Variants in SPON1 observed in about 807,000 individuals in gnomAD.
SPON1 encodes spondin-1.
In SPON1, 52 loss-of-function variants were observed where a neutral mutation model predicts 111.7. The observed-to-expected ratio is 0.47, with a 90% CI of 0.37 to 0.59. The LOEUF (loss-of-function observed/expected upper bound fraction) is 0.59. Ranked by LOEUF, SPON1 falls within the 20% of genes least tolerant of loss-of-function variation. SPON1 has a pLI of 0.00. For synonymous variants in SPON1, 410 were observed against 395.8 expected (o/e 1.04, Z -0.43); for missense variants, 957 against 1,068.5 (o/e 0.90, Z 1.46).
Position 14,032,187 on chromosome 11 carries a change from A to T in SPON1, c.346-9334A>T, listed in dbSNP as rs11023057. Among the ~76,000 whole-genome samples the T allele has an allele frequency of 0.012, 1,757 of 152,320 alleles. 74 individuals carry two copies. The East Asian group carries it at 0.15, about 13-fold the overall frequency. On this transcript the variant is annotated intron_variant, in intron 2 of 15. Transcript: ENST00000576479. ...TGACGAGTTATAACATGGGAAGCAT[A>T]CTTTAATCCTGTCTTTTAGAATTAC...
At chr11:14,041,750 G>T in intron 3 of SPON1, 96 bp downstream of exon 3, 4 of 1,420,904 alleles carry the variant, frequency 2.8e-6, no homozygotes, top group Non-Finnish European at 3.8e-6. Context: ...GCATCAGAAA[G>T]TTGCATCATC....
chr11:14,051,029 T>C (rs782222449), intron 3 of SPON1, among the ~76,000 whole-genome samples: 4 of 152,190 alleles, frequency 2.6e-5, no homozygotes, highest in Non-Finnish European at 5.9e-5. Context: ...ACAGAGTTGG[T>C]CACTGCAACA....
chr11:14,157,546 C>G lies in SPON1; in HGVS notation c.825+21978C>G, dbSNP rs1012744467. ...TATTTATTGTTTTTGAGATTTCTAG[C>G]ACTTCATGCATCCATGTCTTGGTAT... On this transcript the variant is annotated intron_variant, in intron 6 of 15. Transcript: ENST00000576479. Among the ~76,000 whole-genome samples the G allele has an allele frequency of 2.6e-5, 4 of 152,242 alleles. No individual in the cohort carries two copies. The South Asian group carries it at 8.3e-4, about 32-fold the overall frequency.
At position 14,212,119 on chromosome 11, in the gene SPON1, A is replaced by ATT. The variant is rs11395049; in HGVS notation, c.826-31202_826-31201dup. Among the ~76,000 whole-genome samples, 796 of 147,214 alleles carry ATT rather than the reference A, an allele frequency of 5.4e-3. 6 individuals are homozygous for ATT. The highest frequency in any genetic ancestry group is 0.018 in the African/African-American group (717 of 40,238). Reference sequence around the variant, plus strand: ...TTAATATAATGTTAGTCTTTTATTGATTTTTTTTTTTTGCATTTCTTTAGT... The same window carrying ATT: ...TTAATATAATGTTAGTCTTTTATTGATTTTTTTTTTTTTTGCATTTCTTTAGT... On this transcript the variant is annotated intron_variant, in intron 6 of 15. Coordinates refer to ENST00000576479, the MANE Select transcript of SPON1 (RefSeq NM_006108.4).
At chr11:14,226,093 C>CT (rs1373560227) in intron 6 of SPON1, among the ~76,000 whole-genome samples, 3 of 152,160 alleles carry the variant, frequency 2.0e-5, no homozygotes, top group Non-Finnish European at 2.9e-5. Flanking sequence ...CTTTACAACT[C>CT]TAAGTGTTTG....
intron 6 of SPON1, among the ~76,000 whole-genome samples, chr11:14,172,387 T>C (rs1451410864): frequency 3.3e-5 from 5 of 151,904 alleles, no homozygotes; most frequent in African/African-American, 1.2e-4. Context: ...TATGTGTGTC[T>C]CTGCATGTGA....
At chr11:14,119,936 A>G (rs1849293023) in intron 5 of SPON1, among the ~76,000 whole-genome samples, 1 of 152,192 alleles carries the variant, frequency 6.6e-6, no homozygotes. Context: ...TTATCTCCTC[A>G]GTCACACTGG....
Position 14,243,413 on chromosome 11 carries a change from C to T in SPON1, c.890+17C>T, listed in dbSNP as rs1471854071. On this transcript the variant is annotated intron_variant, in intron 7 of 15. Transcript: ENST00000576479. ...TCTCAACGTGTAAGTAACACAAGTCCCTTGCCTGGCCTGTCTTATCCTAGC... is the reference window on the plus strand; with the variant it reads ...TCTCAACGTGTAAGTAACACAAGTCTCTTGCCTGGCCTGTCTTATCCTAGC... The T allele has an allele frequency of 3.8e-6, 6 of 1,558,982 alleles. No homozygotes were observed. Among genetic ancestry groups the T allele is most frequent in the Non-Finnish European group, 5.2e-6 (6 of 1,150,662 alleles).
intron 5 of SPON1, among the ~76,000 whole-genome samples, chr11:14,104,860 G>C (rs1554924747): frequency 6.6e-6 from 1 of 151,874 alleles, no homozygotes; most frequent in South Asian, 2.1e-4. Context: ...CTTTACATTT[G>C]GATAAAAACT....
chr11:14,091,844 C>T (rs1056792506), intron 5 of SPON1, among the ~76,000 whole-genome samples: 3 of 152,124 alleles, frequency 2.0e-5, no homozygotes, highest in Admixed American at 1.3e-4. Context: ...GGGGAGGTGC[C>T]GAGAGCAAGC....
intron 6 of SPON1, among the ~76,000 whole-genome samples, chr11:14,168,805 T>C (rs1554932108): frequency 6.6e-6 from 1 of 152,230 alleles, no homozygotes; most frequent in African/African-American, 2.4e-5. Flanking sequence ...TCCAGCTTCA[T>C]CCACGTCCCT....
At position 13,963,229 on chromosome 11, in the gene SPON1, G is replaced by A. The variant is rs890449615; in HGVS notation, c.238+87G>A. On this transcript the variant is annotated intron_variant, in intron 1 of 15. Coordinates refer to ENST00000576479, the MANE Select transcript of SPON1 (RefSeq NM_006108.4). ...TCGCGGTGCCGGAGGAGGGCGCGCG[G>A]TCTCCGGGCGCGTGGCGCGGGTGCA... The A allele has an allele frequency of 1.0e-5, 11 of 1,055,896 alleles. No individual in the cohort carries two copies. The East Asian group carries it at 3.1e-4, about 30-fold the overall frequency. The allele number at this position is 1,055,896 out of a possible 1,614,324, so 65.4% of individuals were successfully genotyped here. A position where few individuals can be genotyped will look rare whatever the true frequency, so the allele number is the denominator to read the frequency against.
chr11:14,087,367 A>G (rs1316239052), intron 5 of SPON1, among the ~76,000 whole-genome samples: 1 of 152,214 alleles, frequency 6.6e-6, no homozygotes, highest in East Asian at 1.9e-4. Context: ...TTGGTTTCAA[A>G]GAACTCATTT....
At chr11:13,970,824 T>C (rs1242817103) in intron 1 of SPON1, among the ~76,000 whole-genome samples, 4 of 152,360 alleles carry the variant, frequency 2.6e-5, no homozygotes, top group Admixed American at 6.5e-5. Context: ...CGCCTGATTT[T>C]GTTTTCTTCA....
At chr11:14,145,979 A>C (rs1439331840) in intron 6 of SPON1, among the ~76,000 whole-genome samples, 3 of 152,152 alleles carry the variant, frequency 2.0e-5, no homozygotes, top group African/African-American at 7.2e-5. Flanking sequence ...TGAAATGATT[A>C]TATTCATGTA....
rs782152375 is a variant in SPON1 at position 14,260,647 on chromosome 11, G to A, written c.1891G>A (p.Gly631Arg). The part of the protein sequence containing the change: ...SEWSDCSVTC[G>R]KGMRTRQRML... ...GTGGAGTGACTGCAGCGTGACCTGC[G>A]GGAAGGGCATGCGAACCCGACAGCG... is the stretch of plus-strand genomic sequence containing the variant. The change falls in exon 14 of 16, where the codon GGG becomes AGG. Residue 631 changes from glycine (G) to arginine (R), a missense_variant. Physicochemically the swap from Gly to Arg is moderately radical, Grantham distance 125. Transcript: ENST00000576479. 98 of 1,613,970 alleles carry A rather than the reference G, an allele frequency of 6.1e-5. No individual in the cohort carries two copies. Among genetic ancestry groups the A allele is most frequent in the East Asian group, 3.3e-4 (15 of 44,878 alleles).
intron 6 of SPON1, among the ~76,000 whole-genome samples, chr11:14,222,547 A>G (rs1848692271): frequency 6.6e-6 from 1 of 152,198 alleles, no homozygotes; most frequent in African/African-American, 2.4e-5. Context: ...TCTGAAGCAC[A>G]GCTAGTTTGG....
chr11:14,249,468 C>G (rs1204396629), intron 7 of SPON1, among the ~76,000 whole-genome samples: 2 of 152,204 alleles, frequency 1.3e-5, no homozygotes, highest in African/African-American at 4.8e-5. Flanking sequence ...GCAGGAACCT[C>G]CCTCAAACCT....
Position 14,259,485 on chromosome 11 carries a change from TA to T in SPON1, c.1663+36del, listed in dbSNP as rs1849147834. 6.3e-7 allele frequency: 1 copy of T among 1,584,482 alleles called. No individual in the cohort carries two copies. Among genetic ancestry groups the T allele is most frequent in the Admixed American group, 1.8e-5 (1 of 55,636 alleles). On this transcript the variant is annotated intron_variant, in intron 12 of 15. Coordinates refer to ENST00000576479, the MANE Select transcript of SPON1 (RefSeq NM_006108.4). The surrounding 1 kb of genome is among the most constrained non-coding windows in gnomAD (Gnocchi z 5.0). ...GGCCCCGGGCGGGCAGGCGGGCAAG[TA>T]GGTCGGGGAGGCAGCAGGTGCGACT...
Sources: gnomAD v4.1 joint callset for allele counts (sites outside exome capture counted in the v4.1 genomes callset) on GRCh38, gnomAD v4.1.1 for gene constraint, Gnocchi (gnomAD v3.1) non-coding constraint, MANE v1.5 for transcripts, NCBI Gene and HGNC (gene_info 2026-07-23, HGNC 2026-07-21) for gene names.